Variants in FZD5 observed in about 807,000 individuals in gnomAD.
FZD5 encodes frizzled-5.
FZD5 carries 12 observed loss-of-function variants against 40.8 expected under a neutral mutation model. That is an observed-to-expected ratio of 0.29 (90% CI 0.19 to 0.48). The LOEUF (loss-of-function observed/expected upper bound fraction) is 0.48, where lower values mean the gene tolerates loss of function less well. FZD5 is among the 20% of genes least tolerant of loss of function. FZD5 has a pLI of 0.99. For missense variants in FZD5, 622 were observed against 832.8 expected (o/e 0.75, Z 3.12); for synonymous variants, 380 against 383.7 (o/e 0.99, Z 0.11).
chr2:207,767,680 C>G lies in FZD5; in HGVS notation c.1060G>C (p.Ala354Pro). ...AGGTGGAAGTACTGCGCGTAGCCCG[C>G]GATGGCCTCGTTGCCCCACTTCATG... The part of the protein sequence containing the change: ...AGMKWGNEAI[A>P]GYAQYFHLAA... Residue 354 changes from alanine to proline, a missense_variant, in exon 2 of 2, where the codon GCG becomes CCG. This residue lies in a region of FZD5 where 208 missense variants were observed against 348.9 expected (regional missense o/e 0.60). Transcript: ENST00000295417. 6.2e-7 allele frequency: 1 copy of G among 1,613,704 alleles called. No individual in the cohort carries two copies. The highest frequency in any genetic ancestry group is 8.5e-7 in the Non-Finnish European group (1 of 1,179,828).
In FZD5 at chr2:207,763,976, A is replaced by G. The variant is rs2091967266; in HGVS notation, c.*3006T>C. 1 of 152,690 alleles carries G rather than the reference A, an allele frequency of 6.5e-6. No homozygotes were observed. Among genetic ancestry groups the G allele is most frequent in the South Asian group, 2.1e-4 (1 of 4,832 alleles). 9.5% of individuals were successfully genotyped at this position (152,690 alleles called of 1,614,324 possible). A position where few individuals can be genotyped will look rare whatever the true frequency, so the allele number is the denominator to read the frequency against. ...ATGAGAAAGGTTTGCAAGGAAAACC[A>G]ATAAGGCACCAAGAAAAATTATTTC... On this transcript the variant is annotated 3_prime_UTR_variant, in exon 2 of 2. Coordinates refer to ENST00000295417, the MANE Select transcript of FZD5 (RefSeq NM_003468.4).
At position 207,765,717 on chromosome 2, in the gene FZD5, A is replaced by G. The variant is rs1173810495; in HGVS notation, c.*1265T>C. 6.6e-6 allele frequency: 1 copy of G among 152,560 alleles called. No homozygotes were observed. The highest frequency in any genetic ancestry group is 1.5e-5 in the Non-Finnish European group (1 of 68,036). The allele number at this position is 152,560 out of a possible 1,614,324, so 9.5% of individuals were successfully genotyped here. A position where few individuals can be genotyped will look rare whatever the true frequency, so the allele number is the denominator to read the frequency against. On this transcript the variant is annotated 3_prime_UTR_variant, in exon 2 of 2. Transcript: ENST00000295417. Reference sequence around the variant, plus strand: ...TGCTGCTCTTGGAATATCTGGCTATAAACTAGTCCAAAGTCCAGGAACACT... The same window carrying G: ...TGCTGCTCTTGGAATATCTGGCTATGAACTAGTCCAAAGTCCAGGAACACT...
rs756228299 is a variant in FZD5 at position 207,767,110 on chromosome 2, C to T, written c.1630G>A (p.Gly544Ser). 3.2e-6 allele frequency: 5 copies of T among 1,566,650 alleles called. No individual in the cohort carries two copies. The highest frequency in any genetic ancestry group is 1.7e-6 in the Non-Finnish European group (2 of 1,156,538). ...TSRCCCRPRR[G>S]HKSGGAMAAG... is the part of the protein sequence containing the mutation. ...GCCATGGCGCCCCCGCTCTTGTGGC[C>T]GCGCCGCGGGCGGCAGCAGCAGCGG... The change falls in exon 2 of 2, where the codon GGC becomes AGC. Residue 544 changes from glycine to serine, a missense_variant. Gly to Ser is a moderately conservative substitution (Grantham distance 56). This residue lies in a region of FZD5 where 154 missense variants were observed against 152.1 expected (regional missense o/e 1.01). Coordinates refer to ENST00000295417, the MANE Select transcript of FZD5 (RefSeq NM_003468.4).
rs2091993612 is a variant in FZD5, at chr2:207,768,448, A to G, written c.292T>C (p.Tyr98His). ...SMYTPICLPD[Y>H]HKPLPPCRSV... is the part of the protein sequence containing the mutation. ...CGGCAGGGCGGCAGCGGCTTGTGGTAGTCGGGCAGACAGATGGGCGTGTAC... is the reference window on the plus strand; with the variant it reads ...CGGCAGGGCGGCAGCGGCTTGTGGTGGTCGGGCAGACAGATGGGCGTGTAC... Residue 98 changes from tyrosine to histidine, a missense_variant, in exon 2 of 2, where the codon TAC becomes CAC. Physicochemically the swap from Tyr to His is moderately conservative, Grantham distance 83. Transcript: ENST00000295417. 1 of 1,609,546 alleles carries G rather than the reference A, an allele frequency of 6.2e-7. No individual in the cohort carries two copies. The highest frequency in any genetic ancestry group is 1.1e-5 in the South Asian group (1 of 91,072).
Position 207,768,755 on chromosome 2 carries a change from C to G in FZD5, c.-16G>C. On this transcript the variant is annotated 5_prime_UTR_variant, in exon 2 of 2. Transcript: ENST00000295417. The stretch of plus-strand genomic sequence containing the variant: ...GCCGAGCCATCGCCCCCTCCCTCCC[C>G]TCGCCTCCAGCAGCCCGCGAGGGAC... The G allele has an allele frequency of 6.5e-7, 1 of 1,527,402 alleles. No individual in the cohort carries two copies. The allele number at this position is 1,527,402 out of a possible 1,614,324, so 94.6% of individuals were successfully genotyped here.
rs2091979719 is a variant in FZD5 at position 207,766,426 on chromosome 2, AC to A, written c.*555del. 1 of 152,620 alleles carries A rather than the reference AC, an allele frequency of 6.6e-6. No individual in the cohort carries two copies. The highest frequency in any genetic ancestry group is 2.4e-5 in the African/African-American group (1 of 41,430). 9.5% of individuals were successfully genotyped at this position (152,620 alleles called of 1,614,324 possible). A position where few individuals can be genotyped will look rare whatever the true frequency, so the allele number is the denominator to read the frequency against. On this transcript the variant is annotated 3_prime_UTR_variant, in exon 2 of 2. Coordinates refer to ENST00000295417, the MANE Select transcript of FZD5 (RefSeq NM_003468.4). ...TCATTATGCTCCCCTCCTAGGTATGACCTGGGGCTATAAACTGCAGCTCACC... is the reference window on the plus strand; with the variant it reads ...TCATTATGCTCCCCTCCTAGGTATGACTGGGGCTATAAACTGCAGCTCACC...
rs1322882891 is a variant in FZD5, at chr2:207,767,139, G to A, written c.1601C>T (p.Thr534Ile). ...CCGCGGGCGGCAGCAGCAGCGGCTG[G>A]TGAAACGCCGCCACGACTCCACCGT... ...GKTVESWRRF[T>I]SRCCCRPRRG... is the part of the protein sequence containing the mutation. Residue 534 changes from threonine (T) to isoleucine (I), a missense_variant, in exon 2 of 2, where the codon ACC becomes ATC. Coordinates refer to ENST00000295417, the MANE Select transcript of FZD5 (RefSeq NM_003468.4). 1.3e-6 allele frequency: 2 copies of A among 1,567,840 alleles called. No homozygotes were observed. The highest frequency in any genetic ancestry group is 1.4e-5 in the African/African-American group (1 of 73,630).
chr2:207,768,256 G>T lies in FZD5; in HGVS notation c.484C>A (p.Pro162Thr), dbSNP rs777952260. ...GGAAGGGTGGGCTTGGCTGGGAAAG[G>T]CCTGGGGGGCGCCGTGGTGGCCTCG... Reference protein sequence around the residue: ...RSEATTAPPRPFPAKPTLPGP... With the variant: ...RSEATTAPPRTFPAKPTLPGP... The change falls in exon 2 of 2, where the codon CCT becomes ACT. Residue 162 changes from proline (P) to threonine (T), a missense_variant. This residue lies in a region of FZD5 where 116 missense variants were observed against 117.7 expected (regional missense o/e 0.99). Coordinates refer to ENST00000295417, the MANE Select transcript of FZD5 (RefSeq NM_003468.4). 1.3e-6 allele frequency: 2 copies of T among 1,548,428 alleles called. No homozygotes were observed. Among genetic ancestry groups the T allele is most frequent in the Non-Finnish European group, 1.7e-6 (2 of 1,152,452 alleles).
In FZD5 at chr2:207,769,789, C is replaced by T. The variant is rs112477073; in HGVS notation, c.-780G>A. 0.025 allele frequency among the ~76,000 whole-genome samples: 3,813 copies of T among 152,066 alleles called. 173 individuals are homozygous for T. The highest frequency in any genetic ancestry group is 0.087 in the African/African-American group (3,604 of 41,506). Reference sequence around the variant, plus strand: ...GGGGGCGGTGGCGACGCTCTCGGGACGTGCCCTGCTCGGCTCCTCCCCCGC... The same window carrying T: ...GGGGGCGGTGGCGACGCTCTCGGGATGTGCCCTGCTCGGCTCCTCCCCCGC... On this transcript the variant is annotated 5_prime_UTR_variant, in exon 1 of 2. Transcript: ENST00000295417.
chr2:207,764,992 C>T lies in FZD5; in HGVS notation c.*1990G>A, dbSNP rs895730520. The T allele has an allele frequency of 1.2e-4, 18 of 152,046 alleles. No homozygotes were observed. The highest frequency in any genetic ancestry group is 5.2e-4 in the Admixed American group (8 of 15,278). The allele number at this position is 152,046 out of a possible 1,614,324, so 9.4% of individuals were successfully genotyped here. On this transcript the variant is annotated 3_prime_UTR_variant, in exon 2 of 2. Transcript: ENST00000295417. ...GCACAAAGTTCTGTAGCTATTTGTA[C>T]GAGGTTTTGTAGAATCCACTGAAAT...
chr2:207,764,886 AT>A lies in FZD5; in HGVS notation c.*2095del, dbSNP rs757596966. ...CTCTCATTTGAAAAACAGGAGAGGA[AT>A]TGGCATTCAGTCAAGGGATCTATTT... is the stretch of plus-strand genomic sequence containing the variant. On this transcript the variant is annotated 3_prime_UTR_variant, in exon 2 of 2. Transcript: ENST00000295417. The A allele has an allele frequency of 6.6e-6, 1 of 152,208 alleles. No individual in the cohort carries two copies. The highest frequency in any genetic ancestry group is 1.9e-4 in the East Asian group (1 of 5,202). 9.4% of individuals were successfully genotyped at this position (152,208 alleles called of 1,614,324 possible). A position where few individuals can be genotyped will look rare whatever the true frequency, so the allele number is the denominator to read the frequency against.
At position 207,763,184 on chromosome 2, in the gene FZD5, T is replaced by TAA. The variant is rs1232557038; in HGVS notation, c.*3796_*3797dup. On this transcript the variant is annotated 3_prime_UTR_variant, in exon 2 of 2. Transcript: ENST00000295417. The stretch of plus-strand genomic sequence containing the variant: ...TCACCAAATCTCTCATATATATATA[T>TAA]AATATATATTATGTATATATACAAC... 1.3e-5 allele frequency: 2 copies of TAA among 151,948 alleles called. No individual in the cohort carries two copies. The highest frequency in any genetic ancestry group is 2.4e-5 in the African/African-American group (1 of 41,292). The allele number at this position is 151,948 out of a possible 1,614,324, so 9.4% of individuals were successfully genotyped here. A position where few individuals can be genotyped will look rare whatever the true frequency, so the allele number is the denominator to read the frequency against.
Position 207,766,964 on chromosome 2 carries a change from T to C in FZD5, c.*18A>G, listed in dbSNP as rs1387826090. The C allele has an allele frequency of 6.9e-7, 1 of 1,440,756 alleles. No homozygotes were observed. The highest frequency in any genetic ancestry group is 2.7e-5 in the East Asian group (1 of 37,590). The allele number at this position is 1,440,756 out of a possible 1,614,324, so 89.2% of individuals were successfully genotyped here. A position where few individuals can be genotyped will look rare whatever the true frequency, so the allele number is the denominator to read the frequency against. ...CCCTCCCCTCAGCTCTCCGGCCGAGTCCCTCGGCGGCAGCCTCCTACACGT... is the reference window on the plus strand; with the variant it reads ...CCCTCCCCTCAGCTCTCCGGCCGAGCCCCTCGGCGGCAGCCTCCTACACGT... On this transcript the variant is annotated 3_prime_UTR_variant, in exon 2 of 2. Transcript: ENST00000295417.
chr2:207,767,173 A>G lies in FZD5; in HGVS notation c.1567T>C (p.Ser523Pro). 1.9e-6 allele frequency: 3 copies of G among 1,593,248 alleles called. No individual in the cohort carries two copies. Among genetic ancestry groups the G allele is most frequent in the East Asian group, 2.3e-5 (1 of 43,256 alleles). The change falls in exon 2 of 2, where the codon TCG becomes CCG. Residue 523 changes from serine to proline, a missense_variant. Coordinates refer to ENST00000295417, the MANE Select transcript of FZD5 (RefSeq NM_003468.4). ...VGITSGVWIW[S>P]GKTVESWRRF... ...CGCCACGACTCCACCGTCTTGCCCG[A>G]CCAGATCCAGACGCCCGACGTGATG...
chr2:207,768,431 C>T lies in FZD5; in HGVS notation c.309G>A (p.Pro103=). 6.2e-7 allele frequency: 1 copy of T among 1,609,112 alleles called. No individual in the cohort carries two copies. The highest frequency in any genetic ancestry group is 1.7e-4 in the Middle Eastern group (1 of 6,058). The change falls in exon 2 of 2, where the codon CCG becomes CCA. Residue 103 remains proline, a synonymous_variant. Transcript: ENST00000295417. ...CGCGCTCGCACACCGAGCGGCAGGG[C>T]GGCAGCGGCTTGTGGTAGTCGGGCA... ...ICLPDYHKPL[P]PCRSVCERAK...
Position 207,768,093 on chromosome 2 carries a change from G to T in FZD5, c.647C>A (p.Pro216His), listed in dbSNP as rs35994626. 1 of 1,613,316 alleles carries T rather than the reference G, an allele frequency of 6.2e-7. No homozygotes were observed. The highest frequency in any genetic ancestry group is 1.3e-5 in the African/African-American group (1 of 75,052). ...CTGGTAGCAGGGTACCGCGCAGTTG[G>T]GCACCTGGCCCGTCCGCACCTTGTT... ...LYNKVRTGQV[P>H]NCAVPCYQPS... The change falls in exon 2 of 2, where the codon CCC (proline) becomes CAC (histidine). Residue 216 changes from proline to histidine, a missense_variant. Coordinates refer to ENST00000295417, the MANE Select transcript of FZD5 (RefSeq NM_003468.4).
In FZD5 at chr2:207,762,978, G is replaced by GT. The variant is rs1279954175; in HGVS notation, c.*4003dup. ...TTCAAATTGATTGTCTACAAATAAA[G>GT]TATCGCTGGCTCTAGTGTAACTTCT... is the stretch of plus-strand genomic sequence containing the variant. On this transcript the variant is annotated 3_prime_UTR_variant, in exon 2 of 2. Transcript: ENST00000295417. 1 of 152,550 alleles carries GT rather than the reference G, an allele frequency of 6.6e-6. No homozygotes were observed. Among genetic ancestry groups the GT allele is most frequent in the African/African-American group, 2.4e-5 (1 of 41,422 alleles). 9.4% of individuals were successfully genotyped at this position (152,550 alleles called of 1,614,324 possible).
Position 207,763,728 on chromosome 2 carries a change from G to A in FZD5, c.*3254C>T, listed in dbSNP as rs1262053895. 1 of 152,658 alleles carries A rather than the reference G, an allele frequency of 6.6e-6. No homozygotes were observed. Among genetic ancestry groups the A allele is most frequent in the Admixed American group, 6.5e-5 (1 of 15,274 alleles). 9.5% of individuals were successfully genotyped at this position (152,658 alleles called of 1,614,324 possible). On this transcript the variant is annotated 3_prime_UTR_variant, in exon 2 of 2. Coordinates refer to ENST00000295417, the MANE Select transcript of FZD5 (RefSeq NM_003468.4). ...TGGGGTTCCCATTCTGTACTGGAGA[G>A]TGCAGGTCACGGATGCTGTTATTAA... is the stretch of plus-strand genomic sequence containing the variant.
At position 207,768,386 on chromosome 2, in the gene FZD5, C is replaced by T. The variant is rs758276906; in HGVS notation, c.354G>A (p.Pro118=). ...AGGCGAAGCCGTACTGGCGCATCAG[C>T]GGCGAGCAGCCGGCCTTGGCGCGCT... The part of the protein sequence containing the change: ...VCERAKAGCS[P]LMRQYGFAWP... The change falls in exon 2 of 2, where the codon CCG becomes CCA. Residue 118 remains proline, a synonymous_variant. Transcript: ENST00000295417. 7.5e-6 allele frequency: 12 copies of T among 1,601,270 alleles called. No homozygotes were observed. In the South Asian group the frequency reaches 8.8e-5, roughly 12 times the overall value.
Sources: allele counts gnomAD v4.1 joint callset (sites outside exome capture counted in the v4.1 genomes callset), GRCh38; gene constraint gnomAD v4.1.1; regional missense constraint gnomAD v4.1.1; transcripts MANE v1.5; gene names NCBI Gene and HGNC (gene_info 2026-07-23, HGNC 2026-07-21).